Variants in TBC1D4 observed in about 807,000 individuals in gnomAD.
TBC1D4 encodes TBC (Tre-2, BUB2, CDC16) domain-containing protein.
Under a neutral mutation model 142.5 loss-of-function variants are expected in TBC1D4, and 121 were observed. That is an observed-to-expected ratio of 0.85 (90% CI 0.73 to 0.99). The LOEUF (loss-of-function observed/expected upper bound fraction) is 0.99, where lower values mean the gene tolerates loss of function less well. Among genes scored for constraint, TBC1D4 ranks in the 50% least tolerant of loss-of-function variants. The pLI is 0.00. For missense variants in TBC1D4, 1,475 were observed against 1,606.6 expected, an observed-to-expected ratio of 0.92 and a Z score of 1.40; for synonymous variants, 630 against 628.2, an observed-to-expected ratio of 1.00 and a Z score of -0.04.
intron 8 of TBC1D4, among the ~76,000 whole-genome samples, chr13:75,331,415 G>T (rs566089372): frequency 5.3e-4 from 80 of 152,104 alleles, no homozygotes; most frequent in Non-Finnish European, 1.0e-3. Context: ...CGGGAAGACT[G>T]TTTGAGCCCA....
intron 1 of TBC1D4, among the ~76,000 whole-genome samples, chr13:75,460,636 A>G (rs1887929574): frequency 6.6e-6 from 1 of 152,140 alleles, no homozygotes; most frequent in East Asian, 1.9e-4. Flanking sequence ...AAGAAGAGAG[A>G]GAGGCCAGAG....
chr13:75,316,335 C>A (rs1878315634), intron 12 of TBC1D4: 1 of 152,172 alleles, frequency 6.6e-6, no homozygotes, highest in Non-Finnish European at 1.5e-5. Context: ...TTTCATAAAC[C>A]TAAAATTTTA....
intron 4 of TBC1D4, among the ~76,000 whole-genome samples, chr13:75,349,828 T>C (rs1404480526): frequency 6.6e-6 from 1 of 152,250 alleles, no homozygotes. Context: ...AGTCTGTGAC[T>C]AATGCTGGCT....
intron 1 of TBC1D4, among the ~76,000 whole-genome samples, chr13:75,434,740 T>A (rs1428182302): frequency 2.0e-5 from 3 of 152,078 alleles, no homozygotes; most frequent in Admixed American, 2.0e-4. Flanking sequence ...ATAAAAAGAA[T>A]ATAAGTTGCA....
intron 7 of TBC1D4, among the ~76,000 whole-genome samples, chr13:75,340,395 C>G (rs1880584571): frequency 6.6e-6 from 1 of 152,166 alleles, no homozygotes; most frequent in Non-Finnish European, 1.5e-5. Flanking sequence ...AAAATACCAT[C>G]CCTCAGTTTG....
chr13:75,308,761 T>C (rs1436434750), intron 14 of TBC1D4, among the ~76,000 whole-genome samples: 1 of 152,210 alleles, frequency 6.6e-6, no homozygotes, highest in Non-Finnish European at 1.5e-5. Context: ...GGGCAGACCA[T>C]TTATCAAACT....
intron 1 of TBC1D4, among the ~76,000 whole-genome samples, chr13:75,410,021 A>C (rs1159667478): frequency 6.6e-6 from 1 of 152,180 alleles, no homozygotes; most frequent in Non-Finnish European, 1.5e-5. Context: ...ATCTTAACCA[A>C]ATTTGCCACT....
chr13:75,435,319 T>A (rs1218835724), intron 1 of TBC1D4, among the ~76,000 whole-genome samples: 1 of 125,488 alleles, frequency 8.0e-6, no homozygotes. Flanking sequence ...CAGAGGGAGA[T>A]TCTGTCTCAA....
At chr13:75,353,887 GCATCCTCTCA>G (rs1881821412) in intron 4 of TBC1D4, among the ~76,000 whole-genome samples, 1 of 152,190 alleles carries the variant, frequency 6.6e-6, no homozygotes, top group African/African-American at 2.4e-5. Context: ...CCTGGTTCTG[GCATCCTCTCA>G]CATGGCACAC....
chr13:75,390,859 AGGGGAGGGGAG>A (rs1884437437), intron 1 of TBC1D4, among the ~76,000 whole-genome samples: 1 of 2,848 alleles, frequency 3.5e-4, no homozygotes, highest in Non-Finnish European at 7.2e-4. Context: ...AGGGGAGGGG[AGGGGAGGGGAG>A]GGGAGGGGAG....
At chr13:75,461,979 G>T (rs978976998) in intron 1 of TBC1D4, among the ~76,000 whole-genome samples, 3 of 152,136 alleles carry the variant, frequency 2.0e-5, no homozygotes, top group Non-Finnish European at 4.4e-5. Context: ...CTTATTCCCA[G>T]TTGTCAACCT....
intron 1 of TBC1D4, among the ~76,000 whole-genome samples, chr13:75,364,165 A>G (rs1304349582): frequency 1.3e-5 from 2 of 152,198 alleles, no homozygotes; most frequent in Non-Finnish European, 2.9e-5. Flanking sequence ...ATTGGTTCCT[A>G]GAGTTTATCT....
chr13:75,290,152 G>A (rs565107129), intron 19 of TBC1D4, among the ~76,000 whole-genome samples: 97 of 152,028 alleles, frequency 6.4e-4, no homozygotes, highest in African/African-American at 2.1e-3. Flanking sequence ...TATATAGTAT[G>A]ATTTCATTTA....
chr13:75,407,043 A>T (rs1885381725), intron 1 of TBC1D4, among the ~76,000 whole-genome samples: 1 of 152,146 alleles, frequency 6.6e-6, no homozygotes. Context: ...AGACAAGCTG[A>T]CCAAAGCTTC....
chr13:75,443,265 A>G (rs1323021610), intron 1 of TBC1D4, among the ~76,000 whole-genome samples: 1 of 152,276 alleles, frequency 6.6e-6, no homozygotes, highest in Non-Finnish European at 1.5e-5. Flanking sequence ...CTAAAGGAAC[A>G]TAAAAATAAG....
intron 1 of TBC1D4, among the ~76,000 whole-genome samples, chr13:75,404,843 C>A (rs1164428268): frequency 6.6e-6 from 1 of 152,112 alleles, no homozygotes; most frequent in East Asian, 1.9e-4. Context: ...AGAACTATGT[C>A]CATCTGCTGC....
intron 1 of TBC1D4, among the ~76,000 whole-genome samples, chr13:75,435,674 G>T (rs1193313010): frequency 6.6e-6 from 1 of 152,108 alleles, no homozygotes; most frequent in African/African-American, 2.4e-5. Context: ...TCCTGGTGTG[G>T]GTTTCTAAAT....
In TBC1D4 at chr13:75,350,344, A is replaced by G. The variant is rs139083390; in HGVS notation, c.1276-1042T>C. Among the ~76,000 whole-genome samples the G allele has an allele frequency of 1.6e-4, 25 of 152,330 alleles. No homozygotes were observed. In the East Asian group the frequency reaches 4.1e-3, roughly 25 times the overall value. ...ATGTAATCTACTTCTACATTTCAGT[A>G]TATGAGGAAACTGAAATAAACAGAC... is the stretch of plus-strand genomic sequence containing the variant. On this transcript the variant is annotated intron_variant, in intron 4 of 20. Coordinates refer to ENST00000377636, the MANE Select transcript of TBC1D4 (RefSeq NM_014832.5).
chr13:75,294,270 G>A (rs184356064), intron 18 of TBC1D4, among the ~76,000 whole-genome samples: 2 of 152,170 alleles, frequency 1.3e-5, no homozygotes, highest in East Asian at 3.9e-4. Flanking sequence ...TCAGTAACTT[G>A]CCCTGAGCTC....
Sources: gnomAD v4.1 joint callset for allele counts (sites outside exome capture counted in the v4.1 genomes callset) on GRCh38, gnomAD v4.1.1 for gene constraint, MANE v1.5 for transcripts, NCBI Gene and HGNC (gene_info 2026-07-23, HGNC 2026-07-21) for gene names.